PCBP3: variants seen among roughly 807,000 people sequenced by gnomAD.
PCBP3 encodes the protein poly(rC) binding protein 3, also known as poly(rC)-binding protein 3.
In PCBP3, 25 loss-of-function variants were observed where a neutral mutation model predicts 52.7. The observed-to-expected ratio is 0.47, with a 90% CI of 0.35 to 0.66. PCBP3 has a LOEUF of 0.66. Among genes scored for constraint, PCBP3 ranks in the 30% least tolerant of loss-of-function variants. PCBP3 has a pLI of 0.01. For missense variants in PCBP3, 391 were observed against 490.3 expected (o/e 0.80, Z 1.91); for synonymous variants, 162 against 183.0 (o/e 0.89, Z 0.93).
intron 1 of PCBP3, among the ~76,000 whole-genome samples, chr21:45,648,431 G>A (rs2079464362): frequency 6.6e-6 from 1 of 152,056 alleles, no homozygotes; most frequent in Admixed American, 6.5e-5. Flanking sequence ...TGTCTTATTT[G>A]GCCCAAATCC....
intron 13 of PCBP3, among the ~76,000 whole-genome samples, chr21:45,923,523 C>A (rs994567314): frequency 6.6e-6 from 1 of 152,198 alleles, no homozygotes; most frequent in Non-Finnish European, 1.5e-5. Context: ...CTGTTCCTCC[C>A]AGCTTGCCCT....
chr21:45,685,875 A>C (rs1463719888), intron 2 of PCBP3, among the ~76,000 whole-genome samples: 1 of 152,046 alleles, frequency 6.6e-6, no homozygotes, highest in Non-Finnish European at 1.5e-5. Flanking sequence ...GACAAGAAAC[A>C]AAAACAAAAC....
intron 9 of PCBP3, among the ~76,000 whole-genome samples, 161 bp from the exon 10 acceptor site, chr21:45,909,194 C>T (rs951699105): frequency 6.6e-6 from 1 of 152,080 alleles, no homozygotes; most frequent in Non-Finnish European, 1.5e-5. Context: ...AGCGACGTCT[C>T]CTGGTCCTCC....
At chr21:45,907,892 AG>A (rs2096248273) in intron 9 of PCBP3, among the ~76,000 whole-genome samples, 1 of 148,986 alleles carries the variant, frequency 6.7e-6, no homozygotes, top group African/African-American at 2.6e-5. Context: ...TGGGAGGAAA[AG>A]GAGGGAGAGC....
intron 2 of PCBP3, among the ~76,000 whole-genome samples, chr21:45,712,305 A>C (rs2083892808): frequency 6.6e-6 from 1 of 152,242 alleles, no homozygotes; most frequent in East Asian, 1.9e-4. Context: ...AAGTATGTGT[A>C]ATTTATAAGA....
intron 15 of PCBP3, among the ~76,000 whole-genome samples, chr21:45,933,968 C>T (rs2076602360): frequency 1.3e-5 from 2 of 152,032 alleles, no homozygotes; most frequent in Admixed American, 1.3e-4. Flanking sequence ...AGTTGGGGGG[C>T]ACAGGAGGCG....
chr21:45,870,757 T>C (rs1473777205), intron 5 of PCBP3: 1 of 152,694 alleles, frequency 6.5e-6, no homozygotes, highest in Non-Finnish European at 1.5e-5. Flanking sequence ...GCCTCTGGCC[T>C]CTTTCCCCAG....
chr21:45,929,027 G>A (rs1334296000), intron 13 of PCBP3, among the ~76,000 whole-genome samples: 2 of 152,336 alleles, frequency 1.3e-5, no homozygotes, highest in Admixed American at 1.3e-4. Context: ...CTGCTGAGCA[G>A]CCCTGGGCTC....
intron 1 of PCBP3, among the ~76,000 whole-genome samples, chr21:45,658,932 T>A (rs2080198943): frequency 6.6e-6 from 1 of 152,152 alleles, no homozygotes; most frequent in African/African-American, 2.4e-5. Context: ...CTAGGTTATC[T>A]AATTTATTGG....
Position 45,800,849 on chromosome 21 carries a change from T to C in PCBP3, c.-126+45397T>C, listed in dbSNP as rs1398725612. ...CCCTGCATCCTCCTGGGAGATGGGG[T>C]GTTTGAGCATGGGGTTCCCGCCTCC... On this transcript the variant is annotated intron_variant, in intron 4 of 17. Coordinates refer to ENST00000681687, the MANE Select transcript of PCBP3 (RefSeq NM_001384156.1). The surrounding 1 kb of genome is among the most constrained non-coding windows in gnomAD (Gnocchi z 5.3). Among the ~76,000 whole-genome samples, 1 of 148,546 alleles carries C rather than the reference T, an allele frequency of 6.7e-6. No homozygotes were observed. Among genetic ancestry groups the C allele is most frequent in the East Asian group, 1.9e-4 (1 of 5,170 alleles).
At position 45,658,590 on chromosome 21, in the gene PCBP3, C is replaced by T. The variant is rs190088996; in HGVS notation, c.-278-10284C>T. On this transcript the variant is annotated intron_variant, in intron 1 of 17. Coordinates refer to ENST00000681687, the MANE Select transcript of PCBP3 (RefSeq NM_001384156.1). ...AAATGCTGGGATTACAGACATGAGC[C>T]GCCACACCCAGCCTTGTTAAGGATT... is the stretch of plus-strand genomic sequence containing the variant. Among the ~76,000 whole-genome samples the T allele has an allele frequency of 1.5e-4, 23 of 152,252 alleles. No homozygotes were observed. In the East Asian group the frequency reaches 2.1e-3, roughly 14 times the overall value.
At chr21:45,814,695 AGTG>A (rs2092801176) in intron 4 of PCBP3, among the ~76,000 whole-genome samples, 1 of 108,190 alleles carries the variant, frequency 9.2e-6, no homozygotes. Context: ...GTGAGTGGTG[AGTG>A]ATGAGTGGTG....
chr21:45,834,558 C>T (rs1371691357), intron 4 of PCBP3, among the ~76,000 whole-genome samples: 1 of 152,212 alleles, frequency 6.6e-6, no homozygotes, highest in East Asian at 1.9e-4. Flanking sequence ...CAACAGAAGA[C>T]GGCCACAGCC....
chr21:45,930,122 G>A lies in PCBP3; in HGVS notation c.796+127G>A, dbSNP rs563280637. 81 of 325,230 alleles carry A rather than the reference G, an allele frequency of 2.5e-4. 1 individual carries two copies. The highest frequency in any genetic ancestry group is 1.9e-3 in the South Asian group (56 of 29,584). 20.1% of individuals were successfully genotyped at this position (325,230 alleles called of 1,614,324 possible). On this transcript the variant is annotated intron_variant, in intron 14 of 17. Coordinates refer to ENST00000681687, the MANE Select transcript of PCBP3 (RefSeq NM_001384156.1). Reference sequence around the variant, plus strand: ...GATTTGTGAGTGCCGGTGCTGCGGCGTTCACATGCAGCAGGCTTGCTGGGG... The same window carrying A: ...GATTTGTGAGTGCCGGTGCTGCGGCATTCACATGCAGCAGGCTTGCTGGGG...
chr21:45,711,442 C>G (rs987467820), intron 2 of PCBP3, among the ~76,000 whole-genome samples: 2 of 152,220 alleles, frequency 1.3e-5, no homozygotes, highest in African/African-American at 2.4e-5. Flanking sequence ...GCCTTCTCCC[C>G]TTGCTGGCTT....
chr21:45,887,145 C>T (rs2095542885), intron 5 of PCBP3, among the ~76,000 whole-genome samples: 1 of 152,226 alleles, frequency 6.6e-6, no homozygotes, highest in Admixed American at 6.5e-5. Flanking sequence ...TAGAGAAAGC[C>T]CAGGGGTTCA....
chr21:45,908,688 G>C (rs1381776793), intron 9 of PCBP3, among the ~76,000 whole-genome samples: 1 of 152,132 alleles, frequency 6.6e-6, no homozygotes, highest in Non-Finnish European at 1.5e-5. Flanking sequence ...AGCGAGCTCC[G>C]GGCCACAGCC....
rs552199146 is a variant in PCBP3 at position 45,789,376 on chromosome 21, CTA to C, written c.-126+33926_-126+33927del. Among the ~76,000 whole-genome samples the C allele has an allele frequency of 2.4e-4, 37 of 152,156 alleles. No homozygotes were observed. The South Asian group carries it at 4.8e-3, about 20-fold the overall frequency. On this transcript the variant is annotated intron_variant, in intron 4 of 17. Coordinates refer to ENST00000681687, the MANE Select transcript of PCBP3 (RefSeq NM_001384156.1). ...TGCATGTGTACATGTGCTTGTGTGC[CTA>C]TGAGTGCACGAGTGTGTGCATGTGT...
intron 4 of PCBP3, chr21:45,836,166 A>T (rs556418897): frequency 8.0e-4 from 122 of 151,966 alleles, no homozygotes; most frequent in Non-Finnish European, 1.5e-3. Context: ...ATGTCAGCAG[A>T]CCTGTGGGGG....
Sources: allele counts gnomAD v4.1 joint callset (sites outside exome capture counted in the v4.1 genomes callset), GRCh38; gene constraint gnomAD v4.1.1; non-coding constraint Gnocchi (gnomAD v3.1); transcripts MANE v1.5; gene names NCBI Gene and HGNC (gene_info 2026-07-23, HGNC 2026-07-21).